The following DLGAP1 variants were observed in gnomAD, a reference collection of about 807,000 sequenced individuals.
DLGAP1 encodes DLG associated protein 1.
In DLGAP1, 11 loss-of-function variants were observed where a neutral mutation model predicts 90.8. The observed-to-expected ratio is 0.12, with a 90% confidence interval of 0.08 to 0.20. DLGAP1 has a LOEUF of 0.20. Ranked by LOEUF, DLGAP1 falls within the 10% of genes least tolerant of loss-of-function variation. DLGAP1 has a pLI of 1.00. For missense variants in DLGAP1, 1,050 were observed against 1,333.8 expected, an observed-to-expected ratio of 0.79 and a Z score of 3.31; for synonymous variants, 558 against 540.7, an observed-to-expected ratio of 1.03 and a Z score of -0.44.
Position 4,383,826 on chromosome 18 carries a change from C to T in DLGAP1, c.-267+71180G>A, listed in dbSNP as rs1282580751. The stretch of plus-strand genomic sequence containing the variant: ...AACCTACTCTACTGGCACATCTAAT[C>T]CACAAGTTTGAGGATGAGATTAAGT... On this transcript the variant is annotated intron_variant, in intron 1 of 12. Transcript: ENST00000315677. This position sits in a 1 kb window ranked among gnomAD's most constrained non-coding sequence, Gnocchi z 4.0. Among the ~76,000 whole-genome samples, 2 of 152,088 alleles carry T rather than the reference C, an allele frequency of 1.3e-5. No homozygotes were observed. Among genetic ancestry groups the T allele is most frequent in the African/African-American group, 4.8e-5 (2 of 41,426 alleles).
intron 7 of DLGAP1, among the ~76,000 whole-genome samples, chr18:3,600,977 T>G (rs62084032): frequency 2.7e-5 from 3 of 109,950 alleles, no homozygotes; most frequent in South Asian, 2.7e-4. Context: ...TAGATAGATA[T>G]ATAGATATAG....
At chr18:4,143,496 A>G (rs1156761568) in intron 2 of DLGAP1, among the ~76,000 whole-genome samples, 54 of 151,112 alleles carry the variant, frequency 3.6e-4, no homozygotes, top group Non-Finnish European at 1.0e-4. Context: ...CAGGCCTGGG[A>G]CTCACTCTTC....
intron 4 of DLGAP1, among the ~76,000 whole-genome samples, chr18:3,823,184 G>A (rs898131583): frequency 1.4e-4 from 22 of 152,158 alleles, no homozygotes; most frequent in African/African-American, 4.3e-4. Context: ...CAAGAGTTGG[G>A]GTAGGACAAT....
chr18:3,998,794 A>T (rs1005603151), intron 3 of DLGAP1, among the ~76,000 whole-genome samples: 1 of 152,154 alleles, frequency 6.6e-6, no homozygotes, highest in African/African-American at 2.4e-5. Context: ...ATAGAAGACT[A>T]CCACTAGCAA....
At chr18:4,225,774 A>C (rs1013870555) in intron 1 of DLGAP1, among the ~76,000 whole-genome samples, 1 of 152,180 alleles carries the variant, frequency 6.6e-6, no homozygotes, top group East Asian at 1.9e-4. Context: ...AAAATTAATA[A>C]AAAAGAATGA....
At chr18:3,633,703 G>A in intron 7 of DLGAP1, among the ~76,000 whole-genome samples, 1 of 152,146 alleles carries the variant, frequency 6.6e-6, no homozygotes, top group South Asian at 2.1e-4. Context: ...TAGATAATGT[G>A]CTAAAAGCTA....
chr18:3,575,636 C>A (rs368156492), intron 8 of DLGAP1, among the ~76,000 whole-genome samples: 1 of 152,080 alleles, frequency 6.6e-6, no homozygotes, highest in African/African-American at 2.4e-5. Context: ...CTGTACTGTA[C>A]GAACTCTTTA....
chr18:3,969,972 C>G (rs7242132), intron 3 of DLGAP1, among the ~76,000 whole-genome samples: 13,980 of 152,204 alleles, frequency 0.092, 1,376 homozygotes, highest in African/African-American at 0.25. Context: ...AGCACACGAA[C>G]AGAAGTCAGC....
chr18:4,263,831 A>T (rs977619790), intron 1 of DLGAP1, among the ~76,000 whole-genome samples: 1 of 152,116 alleles, frequency 6.6e-6, no homozygotes, highest in African/African-American at 2.4e-5. Flanking sequence ...CAGTTACTTC[A>T]GAACATTAAA....
chr18:4,258,580 A>G (rs1423506720), intron 1 of DLGAP1, among the ~76,000 whole-genome samples: 1 of 152,208 alleles, frequency 6.6e-6, no homozygotes, highest in Admixed American at 6.5e-5. Flanking sequence ...AAAGAAAAAT[A>G]TAAACACCAA....
intron 9 of DLGAP1, among the ~76,000 whole-genome samples, chr18:3,562,539 C>CTTTTTTTT (rs59612709): frequency 8.5e-6 from 1 of 118,156 alleles, no homozygotes; most frequent in Non-Finnish European, 1.7e-5. Context: ...TCTTCTCTCC[C>CTTTTTTTT]TTTTTTTTTT....
rs988508854 is a variant in DLGAP1 at position 4,391,813 on chromosome 18, T to C, written c.-267+63193A>G. Among the ~76,000 whole-genome samples the C allele has an allele frequency of 7.9e-5, 12 of 152,176 alleles. No homozygotes were observed. In the South Asian group the frequency reaches 1.7e-3, roughly 21 times the overall value. ...TGGGAGCCTAAGGAGTTTCTGAATG[T>C]CTCCAGAACAGTAGTTTACTGTAAT... On this transcript the variant is annotated intron_variant, in intron 1 of 12. Transcript: ENST00000315677.
chr18:4,382,710 A>G (rs900647626), intron 1 of DLGAP1, among the ~76,000 whole-genome samples: 4 of 152,170 alleles, frequency 2.6e-5, no homozygotes, highest in Admixed American at 2.0e-4. Flanking sequence ...CAGTTTTTGG[A>G]AAAGGCTATA....
At chr18:3,717,694 G>A (rs916672219) in intron 7 of DLGAP1, among the ~76,000 whole-genome samples, 1 of 152,134 alleles carries the variant, frequency 6.6e-6, no homozygotes, top group South Asian at 2.1e-4. Context: ...AAGCTACAGC[G>A]TTCACTGGAG....
At chr18:4,300,996 A>G (rs907442165) in intron 1 of DLGAP1, among the ~76,000 whole-genome samples, 1 of 152,142 alleles carries the variant, frequency 6.6e-6, no homozygotes, top group African/African-American at 2.4e-5. Flanking sequence ...AATATTTATT[A>G]TAAATTGACA....
rs1217176757 is a variant in DLGAP1, at chr18:4,034,277, A to T, written c.-158-29076T>A. ...GGCTGGTCTCAAACACCTGACTTCAAATGATCCACCCGCCTTGGCCTCCCA... is the reference window on the plus strand; with the variant it reads ...GGCTGGTCTCAAACACCTGACTTCATATGATCCACCCGCCTTGGCCTCCCA... On this transcript the variant is annotated intron_variant, in intron 2 of 12. Coordinates refer to ENST00000315677, the MANE Select transcript of DLGAP1 (RefSeq NM_004746.4). Among the ~76,000 whole-genome samples, 4 of 147,890 alleles carry T rather than the reference A, an allele frequency of 2.7e-5. No individual in the cohort carries two copies. The Admixed American group carries it at 2.7e-4, about 10-fold the overall frequency.
intron 2 of DLGAP1, among the ~76,000 whole-genome samples, chr18:4,150,763 C>T (rs2076662402): frequency 6.6e-6 from 1 of 152,216 alleles, no homozygotes; most frequent in Non-Finnish European, 1.5e-5. Flanking sequence ...ACACTTACAT[C>T]ATGTTGAACA....
chr18:4,081,514 A>G (rs1486668680), intron 2 of DLGAP1, among the ~76,000 whole-genome samples: 1 of 152,148 alleles, frequency 6.6e-6, no homozygotes, highest in Non-Finnish European at 1.5e-5. Flanking sequence ...AGAAGTCACA[A>G]GGTCTCTCTG....
chr18:3,645,650 G>C (rs2059093153), intron 7 of DLGAP1, among the ~76,000 whole-genome samples: 4 of 152,174 alleles, frequency 2.6e-5, no homozygotes, highest in Admixed American at 6.5e-5. Context: ...CCCAGGCAGA[G>C]TTCCTAGGCT....
Sources: gnomAD v4.1 joint callset for allele counts (sites outside exome capture counted in the v4.1 genomes callset) on GRCh38, gnomAD v4.1.1 for gene constraint, Gnocchi (gnomAD v3.1) non-coding constraint, MANE v1.5 for transcripts, NCBI Gene and HGNC (gene_info 2026-07-23, HGNC 2026-07-21) for gene names.